The following CREM variants were observed in gnomAD, a reference collection of about 807,000 sequenced individuals.
CREM encodes cAMP-responsive element modulator.
Under a neutral mutation model 37.3 loss-of-function variants are expected in CREM, and 13 were observed. That is an observed-to-expected ratio of 0.35 (90% CI 0.23 to 0.55). The LOEUF is 0.55. Among genes scored for constraint, CREM ranks in the 20% least tolerant of loss-of-function variants. CREM has a pLI of 0.88. For missense variants in CREM, 296 were observed against 362.3 expected, an observed-to-expected ratio of 0.82 and a Z score of 1.49; for synonymous variants, 124 against 120.2, an observed-to-expected ratio of 1.03 and a Z score of -0.21.
chr10:35,144,674 A>G (rs922523515), intron 2 of CREM, among the ~76,000 whole-genome samples: 1 of 152,092 alleles, frequency 6.6e-6, no homozygotes, highest in Non-Finnish European at 1.5e-5. Flanking sequence ...AACATTTTGA[A>G]ATCTGTCTTT....
At chr10:35,146,007 A>G (rs2092071145) in intron 2 of CREM, among the ~76,000 whole-genome samples, 1 of 152,244 alleles carries the variant, frequency 6.6e-6, no homozygotes, top group Admixed American at 6.5e-5. Flanking sequence ...TCCAAGGACC[A>G]TAATTTGAGA....
chr10:35,155,670 C>T (rs1024524608), intron 3 of CREM, among the ~76,000 whole-genome samples: 4 of 150,506 alleles, frequency 2.7e-5, no homozygotes, highest in African/African-American at 9.8e-5. Flanking sequence ...GCTCTGTCAC[C>T]TAGGCTGGAG....
intron 2 of CREM, among the ~76,000 whole-genome samples, chr10:35,143,488 G>T (rs181308436): frequency 9.9e-4 from 151 of 152,264 alleles, no homozygotes; most frequent in African/African-American, 3.5e-3. Flanking sequence ...GGACCAATTT[G>T]CACATTGGCA....
chr10:35,194,873 A>G (rs1314699747), intron 6 of CREM, among the ~76,000 whole-genome samples: 1 of 151,706 alleles, frequency 6.6e-6, no homozygotes. Context: ...GTAAGATACA[A>G]TCATGTAACT....
intron 3 of CREM, chr10:35,175,586 T>A: frequency 3.7e-6 from 5 of 1,343,464 alleles, no homozygotes; most frequent in Non-Finnish European, 5.3e-6. Flanking sequence ...TTTAGAACTT[T>A]GTGCTTGGAA....
intron 5 of CREM, among the ~76,000 whole-genome samples, chr10:35,185,147 G>C (rs1028835643): frequency 6.7e-6 from 1 of 148,188 alleles, no homozygotes; most frequent in Non-Finnish European, 1.5e-5. Context: ...CTCTTGTCCA[G>C]GCTGGTGTGC....
intron 6 of CREM, among the ~76,000 whole-genome samples, chr10:35,191,197 G>T (rs2094905180): frequency 6.6e-6 from 1 of 151,296 alleles, no homozygotes; most frequent in African/African-American, 2.4e-5. Context: ...GTACTTTATG[G>T]GTTTTGTTGC....
At chr10:35,164,079 C>A (rs2093423938) in intron 3 of CREM, among the ~76,000 whole-genome samples, 2 of 151,652 alleles carry the variant, frequency 1.3e-5, no homozygotes, top group African/African-American at 4.8e-5. Context: ...ATTTTTCATA[C>A]TATATTTTAA....
chr10:35,152,653 A>T (rs2092668478), intron 3 of CREM, among the ~76,000 whole-genome samples: 2 of 152,176 alleles, frequency 1.3e-5, no homozygotes, highest in Non-Finnish European at 2.9e-5. Flanking sequence ...ACGTGTGTTG[A>T]TATACAGGAC....
At chr10:35,165,056 CAAAAAA>C (rs60898349) in intron 3 of CREM, among the ~76,000 whole-genome samples, 2 of 74,956 alleles carry the variant, frequency 2.7e-5, no homozygotes, top group Admixed American at 1.6e-4. Flanking sequence ...GGCTCCATCT[CAAAAAA>C]AAAAAAAAAA....
chr10:35,203,684 T>C (rs2095442820), intron 6 of CREM, among the ~76,000 whole-genome samples: 1 of 152,124 alleles, frequency 6.6e-6, no homozygotes, highest in Non-Finnish European at 1.5e-5. Context: ...AGCGTGAGAC[T>C]CTGTCTCAAA....
intron 3 of CREM, among the ~76,000 whole-genome samples, chr10:35,150,837 G>C (rs1006268945): frequency 6.7e-6 from 1 of 149,040 alleles, no homozygotes; most frequent in Admixed American, 6.7e-5. Context: ...AAAAAGTGTT[G>C]CCAACAGGTT....
At chr10:35,168,068 G>T (rs2093637869) in intron 3 of CREM, among the ~76,000 whole-genome samples, 1 of 152,118 alleles carries the variant, frequency 6.6e-6, no homozygotes, top group Non-Finnish European at 1.5e-5. Flanking sequence ...ATTTGGGTTG[G>T]TTCCAAGTTG....
chr10:35,139,761 A>T (rs963642872), intron 2 of CREM, among the ~76,000 whole-genome samples: 2 of 152,188 alleles, frequency 1.3e-5, no homozygotes, highest in African/African-American at 4.8e-5. Context: ...TTCAATTTTA[A>T]TGTATTTAGC....
chr10:35,186,730 AATT>A (rs1293100927), intron 5 of CREM, among the ~76,000 whole-genome samples: 1 of 135,254 alleles, frequency 7.4e-6, no homozygotes, highest in African/African-American at 2.7e-5. Context: ...AACTATATAT[AATT>A]ATATATAGTT....
At chr10:35,189,193 T>C (rs970871926) in intron 6 of CREM, among the ~76,000 whole-genome samples, 1 of 146,082 alleles carries the variant, frequency 6.8e-6, no homozygotes, top group African/African-American at 2.4e-5. Context: ...TTTTGTTTGT[T>C]TGTTTTTTTG....
intron 3 of CREM, chr10:35,171,186 T>TG (rs2093802625): frequency 1.4e-5 from 2 of 145,434 alleles, no homozygotes; most frequent in Admixed American, 6.9e-5. Context: ...TTTTTTTTTT[T>TG]GTTAAGGCAC....
intron 6 of CREM, among the ~76,000 whole-genome samples, chr10:35,205,444 T>C (rs929917324): frequency 2.0e-5 from 3 of 152,236 alleles, no homozygotes; most frequent in Admixed American, 6.5e-5. Context: ...TTTTTTGTTT[T>C]TTTTACTGAA....
At chr10:35,137,924 G>C in intron 2 of CREM, 45 bp downstream of exon 2, 1 of 1,496,894 alleles carries the variant, frequency 6.7e-7, no homozygotes, top group African/African-American at 1.4e-5. Flanking sequence ...ATTCTACTTA[G>C]CTTAAAGTTC....
Sources: gnomAD v4.1 joint callset for allele counts (sites outside exome capture counted in the v4.1 genomes callset) on GRCh38, gnomAD v4.1.1 for gene constraint, MANE v1.5 for transcripts, NCBI Gene and HGNC (gene_info 2026-07-23, HGNC 2026-07-21) for gene names.